The following CSMD1 variants were observed in gnomAD, a reference collection of about 807,000 sequenced individuals.
The protein encoded by CSMD1 is CUB and sushi domain-containing protein 1.
In CSMD1, 213 loss-of-function variants were observed where a neutral mutation model predicts 417.5. The ratio of observed to expected loss-of-function variants is 0.51; its 90% confidence interval spans 0.46 to 0.57. The LOEUF is 0.57. CSMD1 is among the 20% of genes least tolerant of loss of function. The pLI, the probability that CSMD1 is intolerant of heterozygous loss-of-function variation, is 0.00. For synonymous variants in CSMD1, 2,862 were observed against 1,736.8 expected, an observed-to-expected ratio of 1.65 and a Z score of -16.11; for missense variants, 6,923 against 4,529.7, an observed-to-expected ratio of 1.53 and a Z score of -15.17.
chr8:3,896,087 C>A (rs1441055218), intron 5 of CSMD1, among the ~76,000 whole-genome samples: 2 of 152,216 alleles, frequency 1.3e-5, no homozygotes, highest in Non-Finnish European at 2.9e-5. Flanking sequence ...ATTTACACCT[C>A]TGATGGTAAC....
chr8:3,511,762 AATAACATAAC>A (rs200325169), intron 10 of CSMD1, among the ~76,000 whole-genome samples: 19,233 of 137,992 alleles, frequency 0.14, 1,522 homozygotes, highest in African/African-American at 0.15. Flanking sequence ...TCTCTAAAAA[AATAACATAAC>A]ATAACATAAC....
chr8:4,522,184 G>T (rs749406766), intron 2 of CSMD1, among the ~76,000 whole-genome samples: 1 of 152,070 alleles, frequency 6.6e-6, no homozygotes, highest in Non-Finnish European at 1.5e-5. Flanking sequence ...AATGAGTCTC[G>T]TGAGAGCTGA....
chr8:4,121,573 AT>A (rs11425170), intron 3 of CSMD1, among the ~76,000 whole-genome samples: 7 of 147,852 alleles, frequency 4.7e-5, no homozygotes, highest in Admixed American at 1.4e-4. Context: ...TCAATCTTTT[AT>A]TTTTTTTTCA....
At chr8:3,073,476 G>A (rs550698366) in intron 49 of CSMD1, among the ~76,000 whole-genome samples, 2 of 152,252 alleles carry the variant, frequency 1.3e-5, no homozygotes, top group South Asian at 2.1e-4. Context: ...CTCTAGAATA[G>A]GAAGCAAATA....
chr8:4,004,806 G>A (rs368118092), intron 4 of CSMD1, among the ~76,000 whole-genome samples: 6 of 151,532 alleles, frequency 4.0e-5, no homozygotes, highest in African/African-American at 4.8e-5. Context: ...GTGCAGTGGC[G>A]CGATCTTGGC....
chr8:4,833,007 G>A (rs1023315786), intron 1 of CSMD1, among the ~76,000 whole-genome samples: 1 of 152,118 alleles, frequency 6.6e-6, no homozygotes, highest in Non-Finnish European at 1.5e-5. Context: ...AAAATAAATG[G>A]ACCGACCTTC....
At chr8:3,792,121 C>G (rs1337201287) in intron 5 of CSMD1, among the ~76,000 whole-genome samples, 1 of 152,114 alleles carries the variant, frequency 6.6e-6, no homozygotes, top group African/African-American at 2.4e-5. Flanking sequence ...TAGGGAGACC[C>G]TGTCTCTACG....
intron 2 of CSMD1, among the ~76,000 whole-genome samples, chr8:4,600,039 T>C (rs1163773392): frequency 6.6e-6 from 1 of 152,158 alleles, no homozygotes. Flanking sequence ...AACAGATCAG[T>C]AGGTACCCAC....
At chr8:4,126,552 C>T (rs1585371825) in intron 3 of CSMD1, among the ~76,000 whole-genome samples, 1 of 152,284 alleles carries the variant, frequency 6.6e-6, no homozygotes, top group East Asian at 1.9e-4. Context: ...GCCACTGATC[C>T]ACAATTGTGG....
At chr8:3,782,933 G>A (rs1032445647) in intron 5 of CSMD1, among the ~76,000 whole-genome samples, 6 of 152,118 alleles carry the variant, frequency 3.9e-5, no homozygotes, top group Non-Finnish European at 8.8e-5. Flanking sequence ...AAAATACATG[G>A]CAAGAGATCT....
chr8:4,297,443 C>A (rs76829208), intron 3 of CSMD1, among the ~76,000 whole-genome samples: 2,748 of 152,274 alleles, frequency 0.018, 45 homozygotes, highest in Non-Finnish European at 0.028. Context: ...GAAAAACAGA[C>A]ATCAGTTGCT....
chr8:4,574,224 T>C (rs114677572), intron 2 of CSMD1, among the ~76,000 whole-genome samples: 106 of 152,274 alleles, frequency 7.0e-4, no homozygotes, highest in African/African-American at 2.3e-3. Context: ...TGCCGAGTTT[T>C]TTCCTTGAAA....
intron 28 of CSMD1, among the ~76,000 whole-genome samples, chr8:3,220,313 C>T (rs540857090): frequency 6.6e-6 from 1 of 152,050 alleles, no homozygotes; most frequent in Non-Finnish European, 1.5e-5. Flanking sequence ...CTCCATTTTT[C>T]TGTTTCTCTC....
chr8:3,262,291 G>T (rs1337793951), intron 26 of CSMD1, among the ~76,000 whole-genome samples: 1 of 142,048 alleles, frequency 7.0e-6, no homozygotes, highest in Non-Finnish European at 1.5e-5. Context: ...AAGCGTCACA[G>T]AAGTCATGTA....
At position 3,366,921 on chromosome 8, in the gene CSMD1, A is replaced by G. The variant is rs562571880; in HGVS notation, c.3115+111T>C. On this transcript the variant is annotated intron_variant, in intron 20 of 69. Coordinates refer to ENST00000635120, the MANE Select transcript of CSMD1 (RefSeq NM_033225.6). ...TTGGAATCAAGTCACGCATGTACAA[A>G]CACACACGGATGCACACATTACACA... 22 of 866,340 alleles carry G rather than the reference A, an allele frequency of 2.5e-5. 1 individual carries two copies. The African/African-American group carries it at 3.5e-4, about 14-fold the overall frequency. 53.7% of individuals were successfully genotyped at this position (866,340 alleles called of 1,614,324 possible).
chr8:4,068,641 C>A (rs1050595528), intron 3 of CSMD1, among the ~76,000 whole-genome samples: 2 of 151,864 alleles, frequency 1.3e-5, no homozygotes, highest in African/African-American at 2.4e-5. Flanking sequence ...ATCAGTGGAA[C>A]TGTGAGTTTA....
intron 1 of CSMD1, among the ~76,000 whole-genome samples, chr8:4,880,851 T>C (rs925030771): frequency 9.9e-5 from 15 of 152,152 alleles, no homozygotes; most frequent in Non-Finnish European, 1.6e-4. Context: ...AGGTCCCTGA[T>C]CTAAGCTATT....
rs5889027 is a variant in CSMD1 at position 4,212,751 on chromosome 8, C to CTTTTTTTTTTT, written c.416-180663_416-180653dup. ...AAAAGTTTACAACAGCGGCCTTATT[C>CTTTTTTTTTTT]TTTTTTTTTTTTTTTTTTTTTTTTT... is the stretch of plus-strand genomic sequence containing the variant. On this transcript the variant is annotated intron_variant, in intron 3 of 69. Transcript: ENST00000635120. 6.0e-3 allele frequency among the ~76,000 whole-genome samples: 591 copies of CTTTTTTTTTTT among 99,168 alleles called. 53 individuals are homozygous for CTTTTTTTTTTT. Among genetic ancestry groups the CTTTTTTTTTTT allele is most frequent in the African/African-American group, 0.023 (545 of 23,410 alleles). 65.1% of individuals were successfully genotyped at this position (99,168 alleles called of 152,430 possible).
intron 23 of CSMD1, among the ~76,000 whole-genome samples, chr8:3,336,384 C>T (rs761846174): frequency 6.6e-6 from 1 of 152,128 alleles, no homozygotes. Context: ...TTTCATGACC[C>T]CTGTTATACA....
Sources: gnomAD v4.1 joint callset for allele counts (sites outside exome capture counted in the v4.1 genomes callset) on GRCh38, gnomAD v4.1.1 for gene constraint, MANE v1.5 for transcripts, NCBI Gene and HGNC (gene_info 2026-07-23, HGNC 2026-07-21) for gene names.